Variants in PARP11 observed in about 807,000 individuals in gnomAD.
PARP11 encodes the protein poly(ADP-ribose) polymerase family member 11, also known as protein mono-ADP-ribosyltransferase PARP11.
In PARP11, 31 loss-of-function variants were observed where a neutral mutation model predicts 42.9. The ratio of observed to expected loss-of-function variants is 0.72; its 90% CI spans 0.54 to 0.98. PARP11 has a LOEUF of 0.98. Among genes scored for constraint, PARP11 ranks in the 50% least tolerant of loss-of-function variants. The pLI, the probability that PARP11 is intolerant of heterozygous loss-of-function variation, is 0.00. For missense variants in PARP11, 365 were observed against 413.1 expected (o/e 0.88, Z 1.01); for synonymous variants, 137 against 127.3 (o/e 1.08, Z -0.51).
chr12:3,841,996 C>G (rs1421142816), intron 1 of PARP11: 1 of 1,610,850 alleles, frequency 6.2e-7, no homozygotes. Context: ...GCAATCTTCC[C>G]AGACACGAAA....
chr12:3,873,247 G>C lies in PARP11; in HGVS notation c.-18C>G. 1 of 1,549,762 alleles carries C rather than the reference G, an allele frequency of 6.5e-7. No homozygotes were observed. The highest frequency in any genetic ancestry group is 8.7e-7 in the Non-Finnish European group (1 of 1,146,370). ...TCCCACATAACGGTGACAAAATCGA[G>C]CGGAGAGAGCCTGTGGGAAGGGGCT... On this transcript the variant is annotated 5_prime_UTR_variant, in exon 1 of 8. Coordinates refer to ENST00000228820, the MANE Select transcript of PARP11 (RefSeq NM_020367.6).
chr12:3,828,097 A>G (rs910289387), intron 3 of PARP11, among the ~76,000 whole-genome samples: 3 of 152,232 alleles, frequency 2.0e-5, no homozygotes, highest in African/African-American at 4.8e-5. Context: ...TCTGTGGAAG[A>G]GCCAAATCAA....
At chr12:3,819,117 C>T (rs1208180204) in intron 6 of PARP11, among the ~76,000 whole-genome samples, 1 of 152,206 alleles carries the variant, frequency 6.6e-6, no homozygotes, top group Non-Finnish European at 1.5e-5. Context: ...AAAGATGTCC[C>T]TACTGATATT....
chr12:3,820,552 T>C (rs914477936), intron 6 of PARP11, among the ~76,000 whole-genome samples: 12 of 152,222 alleles, frequency 7.9e-5, no homozygotes, highest in South Asian at 2.1e-4. Flanking sequence ...AGGGAGTCAC[T>C]GGTACATTTT....
intron 1 of PARP11, among the ~76,000 whole-genome samples, chr12:3,852,497 G>A (rs1050151236): frequency 6.6e-6 from 1 of 152,156 alleles, no homozygotes; most frequent in African/African-American, 2.4e-5. Flanking sequence ...GCATGCACAA[G>A]CTTCAGTAGC....
rs3214323 is a variant in PARP11, at chr12:3,812,000, CT to C, written c.*122del. 0.063 allele frequency: 47,677 copies of C among 762,578 alleles called. 2,046 individuals are homozygous for C. The highest frequency in any genetic ancestry group is 0.19 in the East Asian group (6,881 of 36,068). 47.2% of individuals were successfully genotyped at this position (762,578 alleles called of 1,614,324 possible). ...AGTATGTCTTTTTATATGGAGGCCA[CT>C]TTTTTTCATATCTGTTTCAAAAGTA... On this transcript the variant is annotated 3_prime_UTR_variant, in exon 8 of 8. Transcript: ENST00000228820.
chr12:3,861,236 C>T lies in PARP11; in HGVS notation c.18+11976G>A, dbSNP rs141110879. On this transcript the variant is annotated intron_variant, in intron 1 of 7. Coordinates refer to ENST00000228820, the MANE Select transcript of PARP11 (RefSeq NM_020367.6). This position sits in a 1 kb window ranked among gnomAD's most constrained non-coding sequence, Gnocchi z 4.6. Reference sequence around the variant, plus strand: ...CAGGGCCAGAATGTTATAGACTAAACGTTTGTGTCCTTGCCAAATTATTAT... The same window carrying T: ...CAGGGCCAGAATGTTATAGACTAAATGTTTGTGTCCTTGCCAAATTATTAT... Among the ~76,000 whole-genome samples the T allele has an allele frequency of 4.1e-4, 62 of 152,208 alleles. No individual in the cohort carries two copies. Among genetic ancestry groups the T allele is most frequent in the Middle Eastern group, 3.4e-3 (1 of 294 alleles).
At chr12:3,864,170 C>T (rs1260263314) in intron 1 of PARP11, among the ~76,000 whole-genome samples, 1 of 152,142 alleles carries the variant, frequency 6.6e-6, no homozygotes, top group Admixed American at 6.5e-5. Context: ...TTGTCAAAGG[C>T]TTTTTCTGCA....
At chr12:3,816,134 T>C (rs1421024599) in intron 6 of PARP11, among the ~76,000 whole-genome samples, 1 of 152,248 alleles carries the variant, frequency 6.6e-6, no homozygotes. Context: ...CAGAACTTTA[T>C]GTTCTCACTT....
intron 1 of PARP11, among the ~76,000 whole-genome samples, chr12:3,837,733 C>G (rs1947797295): frequency 6.7e-6 from 1 of 149,994 alleles, no homozygotes. Flanking sequence ...TAAAGACACA[C>G]ATGAGGATGA....
chr12:3,860,611 T>A (rs1248622068), intron 1 of PARP11, among the ~76,000 whole-genome samples: 2 of 152,202 alleles, frequency 1.3e-5, no homozygotes, highest in Non-Finnish European at 2.9e-5. Context: ...TTTTTCTCCC[T>A]TTCAGAATGG....
chr12:3,855,945 C>T (rs951209921), intron 1 of PARP11, among the ~76,000 whole-genome samples: 7 of 151,942 alleles, frequency 4.6e-5, no homozygotes, highest in Non-Finnish European at 7.4e-5. Flanking sequence ...ACCAATGGAA[C>T]GGAACAGAAC....
At chr12:3,860,250 A>G (rs959171245) in intron 1 of PARP11, among the ~76,000 whole-genome samples, 1 of 152,228 alleles carries the variant, frequency 6.6e-6, no homozygotes, top group African/African-American at 2.4e-5. Flanking sequence ...GAAGAAATGA[A>G]GGAGGGTTGG....
Position 3,831,539 on chromosome 12 carries a change from T to C in PARP11, c.19-1521A>G, listed in dbSNP as rs576752898. On this transcript the variant is annotated intron_variant, in intron 1 of 7. Coordinates refer to ENST00000228820, the MANE Select transcript of PARP11 (RefSeq NM_020367.6). ...ATAGACTCCTTCCTCATTGGGATGT[T>C]GTTATAAATGAATGAGACAATGTTA... is the stretch of plus-strand genomic sequence containing the variant. Among the ~76,000 whole-genome samples, 9 of 152,284 alleles carry C rather than the reference T, an allele frequency of 5.9e-5. No individual in the cohort carries two copies. The East Asian group carries it at 1.7e-3, about 29-fold the overall frequency.
chr12:3,840,920 T>G lies in PARP11; in HGVS notation c.19-10902A>C. 1 of 1,604,122 alleles carries G rather than the reference T, an allele frequency of 6.2e-7. No individual in the cohort carries two copies. The highest frequency in any genetic ancestry group is 8.5e-7 in the Non-Finnish European group (1 of 1,170,896). On this transcript the variant is annotated intron_variant, in intron 1 of 7. Coordinates refer to ENST00000228820, the MANE Select transcript of PARP11 (RefSeq NM_020367.6). The surrounding 1 kb of genome is among the most constrained non-coding windows in gnomAD (Gnocchi z 4.4). ...CTTCTAGTTTCTCCAGAGGTACATCTAACTCCTGCAGTGCCTTCTTTACCA... is the reference window on the plus strand; with the variant it reads ...CTTCTAGTTTCTCCAGAGGTACATCGAACTCCTGCAGTGCCTTCTTTACCA...
At chr12:3,832,433 C>T (rs898227857) in intron 1 of PARP11, among the ~76,000 whole-genome samples, 6 of 152,230 alleles carry the variant, frequency 3.9e-5, no homozygotes, top group African/African-American at 1.4e-4. Context: ...CTGAACATCA[C>T]TTCTTCCCCT....
chr12:3,823,699 T>C (rs1199236482), intron 4 of PARP11, among the ~76,000 whole-genome samples: 1 of 152,208 alleles, frequency 6.6e-6, no homozygotes, highest in Non-Finnish European at 1.5e-5. Context: ...ATGGATTGCC[T>C]GAGCTTAGGA....
intron 1 of PARP11, among the ~76,000 whole-genome samples, chr12:3,849,296 A>G (rs7965153): frequency 0.035 from 5,278 of 152,254 alleles, 125 homozygotes; most frequent in South Asian, 0.097. Flanking sequence ...CAGCAACTCC[A>G]CGACTGAGTA....
At chr12:3,860,072 C>T (rs868470105) in intron 1 of PARP11, among the ~76,000 whole-genome samples, 4 of 152,098 alleles carry the variant, frequency 2.6e-5, no homozygotes, top group African/African-American at 9.7e-5. Context: ...AGAACCAGTA[C>T]TTAAAGATGC....
Sources: allele counts gnomAD v4.1 joint callset (sites outside exome capture counted in the v4.1 genomes callset), GRCh38; gene constraint gnomAD v4.1.1; non-coding constraint Gnocchi (gnomAD v3.1); transcripts MANE v1.5; gene names NCBI Gene and HGNC (gene_info 2026-07-23, HGNC 2026-07-21).